The following SYN3 variants were observed in gnomAD, a reference collection of about 807,000 sequenced individuals.
SYN3 encodes the protein synapsin III, also known as synapsin-3.
A neutral mutation model predicts 65.8 loss-of-function variants in SYN3; 35 were observed. The observed-to-expected ratio is 0.53, with a 90% CI of 0.41 to 0.70. The LOEUF is 0.70. SYN3 is among the 30% of genes least tolerant of loss of function. The probability of loss-of-function intolerance (pLI) is 0.00; values close to 1 mark genes in which losing one functional copy is unlikely to be tolerated. For synonymous variants in SYN3, 270 were observed against 292.9 expected (o/e 0.92, Z 0.80); for missense variants, 680 against 749.0 (o/e 0.91, Z 1.08).
At chr22:32,911,522 A>G (rs2050050703) in intron 4 of SYN3, among the ~76,000 whole-genome samples, 1 of 152,082 alleles carries the variant, frequency 6.6e-6, no homozygotes, top group Non-Finnish European at 1.5e-5. Context: ...CCTTGCCCTG[A>G]TGCCTGTGGG....
chr22:32,672,925 A>C (rs2060391004), intron 6 of SYN3, among the ~76,000 whole-genome samples: 1 of 152,164 alleles, frequency 6.6e-6, no homozygotes, highest in Admixed American at 6.5e-5. Context: ...GGCCACTGAC[A>C]CTGATGTGGG....
chr22:32,818,189 C>T (rs974038388), intron 6 of SYN3, among the ~76,000 whole-genome samples: 3 of 152,146 alleles, frequency 2.0e-5, no homozygotes, highest in South Asian at 2.1e-4. Context: ...CTGCTCAGAG[C>T]GTTTTGGTGA....
At chr22:32,831,587 T>C (rs2047575974) in intron 6 of SYN3, among the ~76,000 whole-genome samples, 1 of 152,196 alleles carries the variant, frequency 6.6e-6, no homozygotes, top group Admixed American at 6.5e-5. Context: ...TAGCATATAA[T>C]TGGAAGATTG....
chr22:32,767,118 A>C (rs1229797425), intron 6 of SYN3, among the ~76,000 whole-genome samples: 1 of 152,126 alleles, frequency 6.6e-6, no homozygotes, highest in Non-Finnish European at 1.5e-5. Flanking sequence ...CCTACTGCGC[A>C]TCAGGGATGC....
intron 6 of SYN3, among the ~76,000 whole-genome samples, chr22:32,699,131 T>C (rs934351449): frequency 2.0e-5 from 3 of 152,192 alleles, no homozygotes; most frequent in East Asian, 3.9e-4. Context: ...AGTGGCTCCA[T>C]TGAGCTTGGC....
chr22:32,770,898 T>G (rs985494001), intron 6 of SYN3, among the ~76,000 whole-genome samples: 3 of 76,908 alleles, frequency 3.9e-5, no homozygotes, highest in Non-Finnish European at 7.2e-5. Flanking sequence ...TTATTATTAT[T>G]TATTTATTTT....
intron 6 of SYN3, among the ~76,000 whole-genome samples, chr22:32,682,069 G>GTGACAAAGTCGACAGTCC (rs2060530454): frequency 5.3e-5 from 8 of 152,092 alleles, no homozygotes; most frequent in African/African-American, 7.2e-5. Context: ...GGGAGATGAG[G>GTGACAAAGTCGACAGTCC]GGCAGCAGGG....
intron 6 of SYN3, among the ~76,000 whole-genome samples, chr22:32,693,941 A>C (rs372564070): frequency 9.1e-4 from 139 of 152,104 alleles, no homozygotes; most frequent in African/African-American, 3.2e-3. Flanking sequence ...TTCTGTTTCC[A>C]TTAATGTTCT....
chr22:32,780,912 GCTTCCTTCCTTCCTTCCTTCCTTTCCTTC>G (rs1569218950), intron 6 of SYN3, among the ~76,000 whole-genome samples: 5,270 of 127,438 alleles, frequency 0.041, 192 homozygotes, highest in Non-Finnish European at 0.055. Context: ...TGCCTTCCTT[GCTTCCTTCCTTCCTTCCTTCCTTTCCTTC>G]CTTCCTTCCT....
intron 1 of SYN3, among the ~76,000 whole-genome samples, chr22:33,048,203 C>G (rs1195736204): frequency 6.6e-6 from 1 of 152,104 alleles, no homozygotes; most frequent in Non-Finnish European, 1.5e-5. Flanking sequence ...ACCTACCATA[C>G]AGCAACATTT....
chr22:32,574,251 A>G (rs1601670176), intron 7 of SYN3, among the ~76,000 whole-genome samples: 1 of 152,198 alleles, frequency 6.6e-6, no homozygotes, highest in East Asian at 1.9e-4. Flanking sequence ...GAGGCTGAGC[A>G]GGAGGATCGC....
intron 6 of SYN3, among the ~76,000 whole-genome samples, chr22:32,609,125 C>T (rs887937169): frequency 7.9e-5 from 12 of 151,994 alleles, no homozygotes; most frequent in African/African-American, 2.7e-4. Flanking sequence ...GAGATCGAGA[C>T]CATCCTGGCT....
At chr22:33,025,105 T>A (rs1187798429) in intron 1 of SYN3, among the ~76,000 whole-genome samples, 3 of 152,018 alleles carry the variant, frequency 2.0e-5, no homozygotes, top group Non-Finnish European at 4.4e-5. Flanking sequence ...TTTGGGAGGC[T>A]GAGGTGGGTG....
chr22:32,630,376 C>A (rs1218084733), intron 6 of SYN3, among the ~76,000 whole-genome samples: 1 of 152,172 alleles, frequency 6.6e-6, no homozygotes, highest in Non-Finnish European at 1.5e-5. Context: ...GCTGAGGCTA[C>A]ACGTATGTCC....
chr22:32,853,828 T>G (rs2146267329), intron 6 of SYN3, among the ~76,000 whole-genome samples: 1 of 152,310 alleles, frequency 6.6e-6, no homozygotes, highest in Non-Finnish European at 1.5e-5. Flanking sequence ...CCCTAAGAAG[T>G]GCTTTGACCC....
chr22:32,692,686 A>C (rs2060681708), intron 6 of SYN3, among the ~76,000 whole-genome samples: 1 of 152,150 alleles, frequency 6.6e-6, no homozygotes. Context: ...CGCTCTTCTG[A>C]AGCCTTTTCT....
chr22:32,780,969 CCTTCCTTCCCTCCT>C (rs1285625967), intron 6 of SYN3, among the ~76,000 whole-genome samples: 814 of 72,220 alleles, frequency 0.011, 6 homozygotes, highest in South Asian at 0.035. Context: ...TTCCTTCCTT[CCTTCCTTCCCTCCT>C]TCCTTCCTCT....
intron 6 of SYN3, among the ~76,000 whole-genome samples, chr22:32,809,790 G>T (rs1437197384): frequency 6.6e-6 from 1 of 152,218 alleles, no homozygotes; most frequent in Non-Finnish European, 1.5e-5. Flanking sequence ...TGCATTGTCG[G>T]ATTTGGGTTG....
chr22:32,587,932 C>G (rs2059073425), intron 7 of SYN3, among the ~76,000 whole-genome samples: 1 of 152,144 alleles, frequency 6.6e-6, no homozygotes, highest in Non-Finnish European at 1.5e-5. Flanking sequence ...CTCAGCCAGA[C>G]TGCCTGAGGG....
Sources: allele counts gnomAD v4.1 joint callset (sites outside exome capture counted in the v4.1 genomes callset), GRCh38; gene constraint gnomAD v4.1.1; transcripts MANE v1.5; gene names NCBI Gene and HGNC (gene_info 2026-07-23, HGNC 2026-07-21).